The following CCDC47 variants were observed in gnomAD, a reference collection of about 807,000 sequenced individuals.
CCDC47 encodes PAT complex subunit CCDC47.
In CCDC47, 41 loss-of-function variants were observed where a neutral mutation model predicts 60.5. The ratio of observed to expected loss-of-function variants is 0.68; its 90% CI spans 0.53 to 0.88. CCDC47 has a LOEUF of 0.88. Among genes scored for constraint, CCDC47 ranks in the 40% least tolerant of loss-of-function variants. CCDC47 has a pLI of 0.00. For missense variants in CCDC47, 513 were observed against 580.9 expected (o/e 0.88, Z 1.20); for synonymous variants, 195 against 190.7 (o/e 1.02, Z -0.18).
chr17:63,752,180 C>T, intron 11 of CCDC47, 73 bp from the exon 12 acceptor site: 1 of 1,562,218 alleles, frequency 6.4e-7, no homozygotes, highest in Non-Finnish European at 8.8e-7. Context: ...GTTTAGCATT[C>T]TTTCATAAAA....
intron 1 of CCDC47, among the ~76,000 whole-genome samples, chr17:63,772,136 A>G (rs1289693770): frequency 6.6e-6 from 1 of 151,942 alleles, no homozygotes; most frequent in Admixed American, 6.6e-5. Context: ...TACCAGCAAT[A>G]TGACCTTAGC....
intron 9 of CCDC47, chr17:63,753,119 T>C (rs536722238): frequency 2.8e-4 from 109 of 383,496 alleles, no homozygotes; most frequent in Middle Eastern, 2.8e-3. Flanking sequence ...ATATTTTAGA[T>C]ACATTTTTGC....
rs934691266 is a variant in CCDC47, at chr17:63,746,006, T to C, written c.*875A>G. 6.6e-6 allele frequency: 1 copy of C among 152,224 alleles called. No individual in the cohort carries two copies. Among genetic ancestry groups the C allele is most frequent in the East Asian group, 1.9e-4 (1 of 5,200 alleles). The allele number at this position is 152,224 out of a possible 1,614,324, so 9.4% of individuals were successfully genotyped here. The stretch of plus-strand genomic sequence containing the variant: ...GAAGCAACGGCACACAGCCATAATA[T>C]AGAGAACAGAGCTTCTCCATGAACA... On this transcript the variant is annotated 3_prime_UTR_variant, in exon 13 of 13. Transcript: ENST00000225726.
intron 4 of CCDC47, 62 bp downstream of exon 4, chr17:63,763,954 A>G (rs1027861220): frequency 1.4e-4 from 186 of 1,373,352 alleles, no homozygotes; most frequent in Middle Eastern, 3.7e-4. Flanking sequence ...ACTGAGGGGA[A>G]TACATCATCC....
At chr17:63,751,693 CA>C (rs1190252643) in intron 12 of CCDC47, 9 of 565,686 alleles carry the variant, frequency 1.6e-5, no homozygotes, top group African/African-American at 1.5e-4. Context: ...ATGGAATTTT[CA>C]AAATGAAATT....
At chr17:63,750,782 T>C (rs111735595) in intron 12 of CCDC47, among the ~76,000 whole-genome samples, 5,952 of 151,690 alleles carry the variant, frequency 0.039, 167 homozygotes, top group Non-Finnish European at 0.058. Context: ...AGAGACGGGG[T>C]TTCAGCATGT....
intron 3 of CCDC47, 34 bp downstream of exon 3, chr17:63,764,706 G>C: frequency 6.4e-7 from 1 of 1,561,534 alleles, no homozygotes; most frequent in Non-Finnish European, 8.8e-7. Context: ...ACATTTTGTT[G>C]TTTAGTTGGG....
At chr17:63,750,185 G>A (rs991333458) in intron 12 of CCDC47, among the ~76,000 whole-genome samples, 2 of 152,080 alleles carry the variant, frequency 1.3e-5, no homozygotes, top group African/African-American at 4.8e-5. Flanking sequence ...ACTCATTATA[G>A]TTTCAAACCT....
Position 63,757,098 on chromosome 17 carries a change from C to A in CCDC47, c.736-528G>T, listed in dbSNP as rs574170958. On this transcript the variant is annotated intron_variant, in intron 6 of 12. Coordinates refer to ENST00000225726, the MANE Select transcript of CCDC47 (RefSeq NM_020198.3). ...AGAAAAGGCCAGGCATGGTGGCTCACACCTGTAATCCTAGCACTTTAGGAG... is the reference window on the plus strand; with the variant it reads ...AGAAAAGGCCAGGCATGGTGGCTCAAACCTGTAATCCTAGCACTTTAGGAG... 4.0e-5 allele frequency among the ~76,000 whole-genome samples: 6 copies of A among 151,022 alleles called. No homozygotes were observed. In the East Asian group the frequency reaches 7.8e-4, roughly 20 times the overall value.
intron 8 of CCDC47, among the ~76,000 whole-genome samples, chr17:63,755,774 C>T (rs2039200834): frequency 6.6e-6 from 1 of 151,866 alleles, no homozygotes; most frequent in Admixed American, 6.6e-5. Flanking sequence ...ACACTTGAGC[C>T]CAGAAGTTTT....
intron 6 of CCDC47, among the ~76,000 whole-genome samples, chr17:63,759,565 ATATATAT>A: frequency 1.2e-5 from 1 of 86,836 alleles, no homozygotes; most frequent in Non-Finnish European, 2.2e-5. Context: ...ATATATATAT[ATATATAT>A]ATATAAAACA....
At chr17:63,748,531 A>G (rs959092120) in intron 12 of CCDC47, among the ~76,000 whole-genome samples, 2 of 151,940 alleles carry the variant, frequency 1.3e-5, no homozygotes, top group African/African-American at 4.8e-5. Context: ...TTCGATCCCA[A>G]TGTCCTCTTC....
At chr17:63,768,413 G>C (rs967806202) in intron 1 of CCDC47, among the ~76,000 whole-genome samples, 1 of 151,918 alleles carries the variant, frequency 6.6e-6, no homozygotes, top group South Asian at 2.1e-4. Flanking sequence ...TGTTACATAG[G>C]GTGGTGGCTC....
chr17:63,759,573 A>T (rs2039240242), intron 6 of CCDC47, among the ~76,000 whole-genome samples: 2 of 104,270 alleles, frequency 1.9e-5, no homozygotes, highest in Non-Finnish European at 3.8e-5. Flanking sequence ...ATATATATAT[A>T]TATAAAACAA....
chr17:63,749,117 CA>C (rs1334369493), intron 12 of CCDC47, among the ~76,000 whole-genome samples: 4 of 151,516 alleles, frequency 2.6e-5, no homozygotes, highest in African/African-American at 4.9e-5. Context: ...AATAATAATT[CA>C]AAAAATAGCT....
chr17:63,754,272 C>T (rs983823117), intron 9 of CCDC47, among the ~76,000 whole-genome samples, 161 bp downstream of exon 9: 1 of 152,150 alleles, frequency 6.6e-6, no homozygotes, highest in African/African-American at 2.4e-5. Flanking sequence ...TTTACAATGA[C>T]CTCTTATGAT....
chr17:63,767,044 C>A, intron 1 of CCDC47: 1 of 492,998 alleles, frequency 2.0e-6, no homozygotes. Flanking sequence ...CTCATAACAA[C>A]CCTCTAAGGA....
chr17:63,755,102 C>T (rs565644812), intron 8 of CCDC47, among the ~76,000 whole-genome samples: 1 of 152,028 alleles, frequency 6.6e-6, no homozygotes, highest in East Asian at 1.9e-4. Flanking sequence ...TCCTGAGTAG[C>T]TGGGACTAAA....
chr17:63,763,388 G>A (rs1292869179), intron 4 of CCDC47, among the ~76,000 whole-genome samples: 1 of 152,084 alleles, frequency 6.6e-6, no homozygotes, highest in African/African-American at 2.4e-5. Flanking sequence ...AGCTGGGTGT[G>A]GTAGCATGTG....
Sources: gnomAD v4.1 joint callset for allele counts (sites outside exome capture counted in the v4.1 genomes callset) on GRCh38, gnomAD v4.1.1 for gene constraint, MANE v1.5 for transcripts, NCBI Gene and HGNC (gene_info 2026-07-23, HGNC 2026-07-21) for gene names.